SCAI: variants seen among roughly 807,000 people sequenced by gnomAD.
SCAI encodes the protein suppressor of cancer cell invasion.
SCAI carries 24 observed loss-of-function variants against 92.2 expected under a neutral mutation model. The ratio of observed to expected loss-of-function variants is 0.26; its 90% CI spans 0.19 to 0.37. SCAI has a LOEUF of 0.37. SCAI is among the 10% of genes least tolerant of loss of function. The probability of loss-of-function intolerance (pLI) is 1.00; values close to 1 mark genes in which losing one functional copy is unlikely to be tolerated. For synonymous variants in SCAI, 261 were observed against 258.6 expected (o/e 1.01, Z -0.09); for missense variants, 450 against 736.2 (o/e 0.61, Z 4.50).
At chr9:125,120,156 C>T (rs1248948077) in intron 2 of SCAI, among the ~76,000 whole-genome samples, 1 of 152,046 alleles carries the variant, frequency 6.6e-6, no homozygotes, top group Non-Finnish European at 1.5e-5. Context: ...GTAAAATGAA[C>T]GATACTGCTG....
Position 125,011,717 on chromosome 9 carries a change from G to A in SCAI, c.861+7082C>T, listed in dbSNP as rs891322473. On this transcript the variant is annotated intron_variant, in intron 9 of 17. Transcript: ENST00000336505. ...ATATTCCTCGAGAAGAGCAACTCCAGGACACATAATTGTCAGATTCACCAA... is the reference window on the plus strand; with the variant it reads ...ATATTCCTCGAGAAGAGCAACTCCAAGACACATAATTGTCAGATTCACCAA... Among the ~76,000 whole-genome samples, 3 of 152,158 alleles carry A rather than the reference G, an allele frequency of 2.0e-5. No homozygotes were observed. In the East Asian group the frequency reaches 5.8e-4, roughly 29 times the overall value.
At chr9:124,975,529 G>A in intron 15 of SCAI, 1 of 257,002 alleles carries the variant, frequency 3.9e-6, no homozygotes, top group Non-Finnish European at 8.0e-6. Context: ...AATTATTAAG[G>A]ACAAAAAGTC....
chr9:124,998,105 T>C (rs773518773), intron 13 of SCAI, among the ~76,000 whole-genome samples: 2 of 152,070 alleles, frequency 1.3e-5, no homozygotes, highest in Non-Finnish European at 2.9e-5. Context: ...GCTCCTGGCC[T>C]GAAGTTCTAT....
chr9:125,104,903 A>G (rs1208170496), intron 2 of SCAI, among the ~76,000 whole-genome samples: 1 of 151,234 alleles, frequency 6.6e-6, no homozygotes, highest in Non-Finnish European at 1.5e-5. Context: ...GGTTCCAGTG[A>G]GCTGAGATAA....
intron 2 of SCAI, among the ~76,000 whole-genome samples, chr9:125,111,328 C>A (rs1372743208): frequency 1.3e-5 from 2 of 152,052 alleles, no homozygotes; most frequent in Non-Finnish European, 2.9e-5. Flanking sequence ...AACATCCATT[C>A]AGAATTTTTT....
intron 15 of SCAI, among the ~76,000 whole-genome samples, chr9:124,972,443 A>G (rs183310252): frequency 9.2e-5 from 14 of 152,348 alleles, no homozygotes; most frequent in Admixed American, 9.2e-4. Flanking sequence ...TGGACACTAA[A>G]AATGTGACTA....
chr9:124,999,641 A>G (rs920631406), intron 13 of SCAI, among the ~76,000 whole-genome samples: 2 of 152,180 alleles, frequency 1.3e-5, no homozygotes, highest in Non-Finnish European at 2.9e-5. Context: ...GTTCACTGAC[A>G]TATCCCTAGT....
chr9:125,056,750 A>G (rs185594236), intron 2 of SCAI, among the ~76,000 whole-genome samples: 11 of 152,322 alleles, frequency 7.2e-5, no homozygotes, highest in Admixed American at 6.5e-4. Context: ...TAAAAATTGA[A>G]AACAACCTAA....
At chr9:125,065,217 A>T (rs541780541) in intron 2 of SCAI, among the ~76,000 whole-genome samples, 1 of 152,184 alleles carries the variant, frequency 6.6e-6, no homozygotes, top group Non-Finnish European at 1.5e-5. Flanking sequence ...CACGGGGGAA[A>T]AAAAACAACA....
chr9:125,095,209 TAA>T (rs1834521638), intron 2 of SCAI, among the ~76,000 whole-genome samples: 1 of 152,178 alleles, frequency 6.6e-6, no homozygotes, highest in Non-Finnish European at 1.5e-5. Context: ...AGGGCAACTC[TAA>T]AAGTCCACGT....
chr9:124,981,305 T>G (rs567137373), intron 14 of SCAI, among the ~76,000 whole-genome samples: 9 of 152,224 alleles, frequency 5.9e-5, no homozygotes, highest in Non-Finnish European at 1.3e-4. Flanking sequence ...CTGCAACTAG[T>G]GGTTTTCATC....
At chr9:125,119,687 G>A (rs959511406) in intron 2 of SCAI, among the ~76,000 whole-genome samples, 2 of 152,174 alleles carry the variant, frequency 1.3e-5, no homozygotes, top group African/African-American at 4.8e-5. Context: ...CTTTTATTGT[G>A]CTCATGAATC....
rs1320939836 is a variant in SCAI, at chr9:124,944,874, GAA to G, written c.*7931_*7932del. On this transcript the variant is annotated 3_prime_UTR_variant, in exon 18 of 18. Coordinates refer to ENST00000336505, the MANE Select transcript of SCAI (RefSeq NM_001144877.3). Reference sequence around the variant, plus strand: ...GGACATTCACAACAGCTTCAGAAGAGAAAAGAAAATCAGTGATATAACAAACA... The same window carrying G: ...GGACATTCACAACAGCTTCAGAAGAGAAGAAAATCAGTGATATAACAAACA... The G allele has an allele frequency of 1.3e-5, 2 of 152,110 alleles. No homozygotes were observed. The highest frequency in any genetic ancestry group is 4.8e-5 in the African/African-American group (2 of 41,424). 9.4% of individuals were successfully genotyped at this position (152,110 alleles called of 1,614,324 possible).
At chr9:124,995,906 G>GT (rs913460227) in intron 13 of SCAI, among the ~76,000 whole-genome samples, 2 of 152,120 alleles carry the variant, frequency 1.3e-5, no homozygotes, top group Non-Finnish European at 2.9e-5. Flanking sequence ...TAACATGCAT[G>GT]TGAGAGCCAA....
At chr9:125,098,518 AC>A (rs1309175189) in intron 2 of SCAI, among the ~76,000 whole-genome samples, 1 of 152,160 alleles carries the variant, frequency 6.6e-6, no homozygotes, top group Non-Finnish European at 1.5e-5. Flanking sequence ...GAAAAAACAA[AC>A]TCTCATGAGT....
chr9:125,001,958 A>T lies in SCAI; in HGVS notation c.1144+7T>A. ...TGCTCACAACAGGGAGCATTCCTTT[A>T]TTGTACCTTCACTATCAGAACGACC... is the stretch of plus-strand genomic sequence containing the variant. On this transcript the variant is annotated splice_region_variant and intron_variant, in intron 12 of 17. Coordinates refer to ENST00000336505, the MANE Select transcript of SCAI (RefSeq NM_001144877.3). 6.3e-7 allele frequency: 1 copy of T among 1,598,972 alleles called. No homozygotes were observed. The highest frequency in any genetic ancestry group is 8.6e-7 in the Non-Finnish European group (1 of 1,166,166).
chr9:125,068,990 TG>T (rs1295295737), intron 2 of SCAI, among the ~76,000 whole-genome samples: 2 of 151,962 alleles, frequency 1.3e-5, no homozygotes, highest in Non-Finnish European at 2.9e-5. Context: ...CCAAGGCGGT[TG>T]GAAAACTTGT....
chr9:124,994,022 T>C (rs1228797840), intron 14 of SCAI, among the ~76,000 whole-genome samples: 2 of 151,412 alleles, frequency 1.3e-5, no homozygotes, highest in African/African-American at 2.4e-5. Context: ...CTTTAAAGTG[T>C]TTCACTGCTG....
chr9:125,003,526 T>C lies in SCAI; in HGVS notation c.906A>G (p.Gln302=), dbSNP rs754780764. ...ELTVDMFRML[Q]ALEREPMNLA... ...AATTCATTGGCTCCCTTTCCAGAGC[T>C]TGTAACATCCGGAACATGTCAACAG... The change falls in exon 10 of 18, where the codon CAA becomes CAG. Residue 302 remains glutamine, a synonymous_variant. Transcript: ENST00000336505. 6.2e-7 allele frequency: 1 copy of C among 1,613,818 alleles called. No individual in the cohort carries two copies. Among genetic ancestry groups the C allele is most frequent in the South Asian group, 1.1e-5 (1 of 91,080 alleles).
Sources: allele counts gnomAD v4.1 joint callset (sites outside exome capture counted in the v4.1 genomes callset), GRCh38; gene constraint gnomAD v4.1.1; transcripts MANE v1.5; gene names NCBI Gene and HGNC (gene_info 2026-07-23, HGNC 2026-07-21).